The following MON1A variants were observed in gnomAD, a reference collection of about 807,000 sequenced individuals.
MON1A encodes the protein vacuolar fusion protein MON1 homolog A.
MON1A carries 29 observed loss-of-function variants against 44.6 expected under a neutral mutation model. The observed-to-expected ratio is 0.65, with a 90% CI of 0.48 to 0.89. The LOEUF (loss-of-function observed/expected upper bound fraction) is 0.89. Among genes scored for constraint, MON1A ranks in the 40% least tolerant of loss-of-function variants. The probability of loss-of-function intolerance (pLI) is 0.00; values close to 1 mark genes in which losing one functional copy is unlikely to be tolerated. For synonymous variants in MON1A, 275 were observed against 316.4 expected (o/e 0.87, Z 1.39); for missense variants, 615 against 759.6 (o/e 0.81, Z 2.24).
intron 1 of MON1A, among the ~76,000 whole-genome samples, chr3:49,928,273 C>T (rs2083067403): frequency 6.6e-6 from 1 of 152,196 alleles, no homozygotes; most frequent in Non-Finnish European, 1.5e-5. Context: ...TGAATACTTA[C>T]TCTGGAAACT....
chr3:49,912,127 C>T, intron 2 of MON1A, 116 bp from the exon 3 acceptor site: 1 of 1,244,814 alleles, frequency 8.0e-7, no homozygotes, highest in Non-Finnish European at 1.1e-6. Context: ...GATCAAGCCA[C>T]TGTTCCCTTC....
intron 1 of MON1A, among the ~76,000 whole-genome samples, chr3:49,927,902 A>AAAAAAAAAACAAC (rs1265860160): frequency 1.3e-4 from 19 of 150,612 alleles, no homozygotes; most frequent in African/African-American, 4.6e-4. Flanking sequence ...CTCTGTCTCA[A>AAAAAAAAAACAAC]AAAAAAAAAC....
chr3:49,911,903 C>A lies in MON1A; in HGVS notation c.236G>T (p.Gly79Val), dbSNP rs1464754351. ...CATGTCTGTAGGCAGCGGCGGGGGACCCCTGGTACCCTCCTTGTGGCTGTC... is the reference window on the plus strand; with the variant it reads ...CATGTCTGTAGGCAGCGGCGGGGGAACCCTGGTACCCTCCTTGTGGCTGTC... ...SGDSHKEGTR[G>V]PPPLPTDMRQ... Residue 79 changes from glycine (G) to valine (V), a missense_variant, in exon 3 of 6, where the codon GGT becomes GTT. Gly to Val is a moderately radical substitution (Grantham distance 109). Transcript: ENST00000296473. This position sits in a 1 kb window ranked among gnomAD's most constrained non-coding sequence, Gnocchi z 5.7. 3 of 1,613,874 alleles carry A rather than the reference C, an allele frequency of 1.9e-6. No homozygotes were observed. The highest frequency in any genetic ancestry group is 2.5e-6 in the Non-Finnish European group (3 of 1,179,992).
At chr3:49,919,748 G>A (rs1239971036) in intron 1 of MON1A, among the ~76,000 whole-genome samples, 2 of 152,232 alleles carry the variant, frequency 1.3e-5, no homozygotes, top group East Asian at 3.9e-4. Flanking sequence ...GATCCAAAGT[G>A]CTGGGAGTAC....
intron 2 of MON1A, 71 bp downstream of exon 2, chr3:49,913,149 G>A: frequency 1.3e-6 from 2 of 1,589,854 alleles, no homozygotes; most frequent in South Asian, 2.2e-5. Flanking sequence ...GGAAAAAGTG[G>A]TTGGGAATCC....
intron 1 of MON1A, chr3:49,915,940 G>C (rs1472709540): frequency 1.3e-5 from 2 of 152,190 alleles, no homozygotes; most frequent in Non-Finnish European, 2.9e-5. Flanking sequence ...ATCCTCACTT[G>C]TCAGGCAACA....
chr3:49,917,410 C>T (rs1421473275), intron 1 of MON1A, among the ~76,000 whole-genome samples: 2 of 152,100 alleles, frequency 1.3e-5, no homozygotes, highest in Non-Finnish European at 1.5e-5. Context: ...CTCAGCATCC[C>T]GAGTAGCTGG....
chr3:49,910,342 C>CA lies in MON1A; in HGVS notation c.1155_1156insT (p.Glu386Ter). On this transcript the variant is annotated frameshift_variant, in exon 4 of 6. Coordinates refer to ENST00000296473, the MANE Select transcript of MON1A (RefSeq NM_032355.4). LOFTEE classifies it high-confidence loss of function. This position sits in a 1 kb window ranked among gnomAD's most constrained non-coding sequence, Gnocchi z 8.0. ...AGCAGGCAGAGGTCAGTGTCAGGCT[C>CA]TAGGTAAGAGATGTGTGCGTGGAAG... The CA allele has an allele frequency of 6.2e-7, 1 of 1,614,210 alleles. No homozygotes were observed. Among genetic ancestry groups the CA allele is most frequent in the Non-Finnish European group, 8.5e-7 (1 of 1,180,044 alleles).
rs780927557 is a variant in MON1A, at chr3:49,910,218, C to T, written c.1280G>A (p.Arg427Gln). The T allele has an allele frequency of 8.1e-6, 13 of 1,613,988 alleles. No individual in the cohort carries two copies. The highest frequency in any genetic ancestry group is 6.7e-5 in the East Asian group (3 of 44,888). ...GTAGTAGGGTGTGCGCAGTGCCTCT[C>T]GCAGGGCCAGGTGGGCTCCGCGCTT... ...LRKRGAHLAL[R>Q]EALRTPYYSV... is the part of the protein sequence containing the mutation. Residue 427 changes from arginine to glutamine, a missense_variant, in exon 4 of 6, where the codon CGA (arginine) becomes CAA (glutamine). Physicochemically the swap from Arg to Gln is conservative, Grantham distance 43. Transcript: ENST00000296473. The surrounding 1 kb of genome is among the most constrained non-coding windows in gnomAD (Gnocchi z 8.0).
Position 49,922,103 on chromosome 3 carries a change from C to G in MON1A, c.-14+7506G>C, listed in dbSNP as rs1463302166. Among the ~76,000 whole-genome samples, 3 of 147,360 alleles carry G rather than the reference C, an allele frequency of 2.0e-5. No homozygotes were observed. In the Admixed American group the frequency reaches 2.1e-4, roughly 10 times the overall value. The stretch of plus-strand genomic sequence containing the variant: ...AGTGAGCCACGATCACGCCATTGCA[C>G]TCCAGCCTGGGCAATAAGAGCAAAG... On this transcript the variant is annotated intron_variant, in intron 1 of 5. Transcript: ENST00000296473.
Position 49,910,466 on chromosome 3 carries a change from G to T in MON1A, c.1032C>A (p.Asp344Glu). Residue 344 changes from aspartate (D) to glutamate (E), a missense_variant, in exon 4 of 6, where the codon GAC (aspartate) becomes GAA (glutamate). Physicochemically the swap from Asp to Glu is conservative, Grantham distance 45 (BLOSUM62 2). Transcript: ENST00000296473. This position sits in a 1 kb window ranked among gnomAD's most constrained non-coding sequence, Gnocchi z 8.0. ...RRKDQFLHPI[D>E]LHLLFNLISS... ...TAATGAGGTTGAAGAGCAGGTGCAG[G>T]TCGATGGGGTGCAGAAATTGGTCCT... 3 of 1,614,188 alleles carry T rather than the reference G, an allele frequency of 1.9e-6. No individual in the cohort carries two copies. Among genetic ancestry groups the T allele is most frequent in the Non-Finnish European group, 2.5e-6 (3 of 1,180,022 alleles).
chr3:49,928,117 G>T (rs1024067120), intron 1 of MON1A, among the ~76,000 whole-genome samples: 4 of 152,174 alleles, frequency 2.6e-5, no homozygotes, highest in African/African-American at 9.7e-5. Flanking sequence ...CATGGGGAAG[G>T]GTTGGCGGGG....
intron 1 of MON1A, among the ~76,000 whole-genome samples, chr3:49,915,138 C>G (rs956596142): frequency 3.9e-5 from 6 of 152,218 alleles, no homozygotes; most frequent in Non-Finnish European, 8.8e-5. Context: ...TCCTGTCAGG[C>G]TAGCTTTATA....
At position 49,910,299 on chromosome 3, in the gene MON1A, C is replaced by T. The variant is rs770313401; in HGVS notation, c.1199G>A (p.Arg400His). 4 of 1,614,058 alleles carry T rather than the reference C, an allele frequency of 2.5e-6. No homozygotes were observed. The highest frequency in any genetic ancestry group is 4.5e-5 in the East Asian group (2 of 44,880). ...DLCLLLVSTD[R>H]EDFFAVSDCR... ...GTCAGAGACTGCAAAGAAGTCCTCA[C>T]GGTCAGTGGAGACAAGCAGCAGGCA... Residue 400 changes from arginine (R) to histidine (H), a missense_variant, in exon 4 of 6, where the codon CGT becomes CAT. Arg to His is a conservative substitution (Grantham distance 29). Coordinates refer to ENST00000296473, the MANE Select transcript of MON1A (RefSeq NM_032355.4). This position sits in a 1 kb window ranked among gnomAD's most constrained non-coding sequence, Gnocchi z 8.0.
chr3:49,910,728 TG>T lies in MON1A; in HGVS notation c.769del (p.Gln257SerfsTer33), dbSNP rs1559491570. 1 of 1,613,982 alleles carries T rather than the reference TG, an allele frequency of 6.2e-7. No individual in the cohort carries two copies. Among genetic ancestry groups the T allele is most frequent in the East Asian group, 2.2e-5 (1 of 44,870 alleles). On this transcript the variant is annotated frameshift_variant, in exon 4 of 6. Coordinates refer to ENST00000296473, the MANE Select transcript of MON1A (RefSeq NM_032355.4). LOFTEE classifies it high-confidence loss of function. The surrounding 1 kb of genome is among the most constrained non-coding windows in gnomAD (Gnocchi z 8.0). ...CCGCAAATCATAGTTCTGCTTCTGC[TG>T]GAAGATGTGGCTCAGCTGCGCACCG... ...LTGAQLSHIF[Q>X]QKQNYDLRRL...
chr3:49,912,054 C>A, intron 2 of MON1A, 43 bp from the exon 3 acceptor site: 1 of 1,527,408 alleles, frequency 6.5e-7, no homozygotes, highest in Non-Finnish European at 8.8e-7. Context: ...TAGCTAGTGG[C>A]AGACACTCCT....
At chr3:49,919,001 G>A (rs954980184) in intron 1 of MON1A, among the ~76,000 whole-genome samples, 1 of 152,102 alleles carries the variant, frequency 6.6e-6, no homozygotes, top group Non-Finnish European at 1.5e-5. Context: ...AGGCAACATG[G>A]TAAAACCCCA....
Position 49,909,297 on chromosome 3 carries a change from T to A in MON1A, c.1483A>T (p.Lys495Ter). The A allele has an allele frequency of 6.2e-7, 1 of 1,613,910 alleles. No homozygotes were observed. Among genetic ancestry groups the A allele is most frequent in the Non-Finnish European group, 8.5e-7 (1 of 1,179,978 alleles). Residue 495 changes from lysine to a stop codon, truncating the protein, a stop_gained, in exon 5 of 6, where the codon AAG becomes TAG. Coordinates refer to ENST00000296473, the MANE Select transcript of MON1A (RefSeq NM_032355.4). LOFTEE classifies it high-confidence loss of function. The surrounding 1 kb of genome is among the most constrained non-coding windows in gnomAD (Gnocchi z 4.0). ...SRAHNASRPL[K>*]TIYYTGPNEN... The stretch of plus-strand genomic sequence containing the variant: ...TTGGGGCCCGTGTAGTAAATGGTCT[T>A]GAGTGGGCGAGAGGCATTGTGGGCA...
rs960684987 is a variant in MON1A, at chr3:49,911,050, T to C, written c.614-166A>G. Among the ~76,000 whole-genome samples the C allele has an allele frequency of 6.6e-6, 1 of 152,184 alleles. No individual in the cohort carries two copies. The highest frequency in any genetic ancestry group is 1.5e-5 in the Non-Finnish European group (1 of 68,028). On this transcript the variant is annotated intron_variant, in intron 3 of 5. Coordinates refer to ENST00000296473, the MANE Select transcript of MON1A (RefSeq NM_032355.4). The surrounding 1 kb of genome is among the most constrained non-coding windows in gnomAD (Gnocchi z 5.7). ...ATAAAAACCCATTGCTCCTTCTCCC[T>C]GAGGGCTCAGGGCCTATCCCTGCCA...
Sources: gnomAD v4.1 joint callset for allele counts (sites outside exome capture counted in the v4.1 genomes callset) on GRCh38, gnomAD v4.1.1 for gene constraint, Gnocchi (gnomAD v3.1) non-coding constraint, MANE v1.5 for transcripts, NCBI Gene and HGNC (gene_info 2026-07-23, HGNC 2026-07-21) for gene names.